Variants in CGNL1 observed in about 807,000 individuals in gnomAD.
The protein encoded by CGNL1 is cingulin like 1.
Under a neutral mutation model 141.2 loss-of-function variants are expected in CGNL1, and 132 were observed. The ratio of observed to expected loss-of-function variants is 0.93; its 90% CI spans 0.81 to 1.08. The LOEUF (loss-of-function observed/expected upper bound fraction) is 1.08. CGNL1 is among the 50% of genes least tolerant of loss of function. CGNL1 has a pLI of 0.00. For synonymous variants in CGNL1, 690 were observed against 622.1 expected, an observed-to-expected ratio of 1.11 and a Z score of -1.63; for missense variants, 1,870 against 1,588.6, an observed-to-expected ratio of 1.18 and a Z score of -3.01.
intron 14 of CGNL1, among the ~76,000 whole-genome samples, chr15:57,534,917 C>T (rs548389727): frequency 2.0e-5 from 3 of 152,218 alleles, no homozygotes; most frequent in African/African-American, 7.2e-5. Context: ...TGAATTCTCA[C>T]AAGCTCCTTT....
chr15:57,425,734 C>G (rs1461749356), intron 1 of CGNL1, among the ~76,000 whole-genome samples: 1 of 116,590 alleles, frequency 8.6e-6, no homozygotes, highest in African/African-American at 3.4e-5. Context: ...GAGCAAGAGC[C>G]TGTCTCAAAA....
chr15:57,422,372 C>T (rs2062925845), intron 1 of CGNL1, among the ~76,000 whole-genome samples: 1 of 149,468 alleles, frequency 6.7e-6, no homozygotes. Context: ...ACTCAAGGCT[C>T]CCATGGGAGA....
intron 10 of CGNL1, among the ~76,000 whole-genome samples, chr15:57,520,934 AG>A (rs1412967698): frequency 6.6e-6 from 1 of 152,186 alleles, no homozygotes; most frequent in Non-Finnish European, 1.5e-5. Flanking sequence ...CCTCAATCAT[AG>A]GGTAAAATCT....
chr15:57,547,257 G>T, intron 18 of CGNL1, 98 bp from the exon 19 acceptor site: 1 of 1,343,920 alleles, frequency 7.4e-7, no homozygotes, highest in South Asian at 1.4e-5. Context: ...CCACTCAGTG[G>T]GGTGCAGGGA....
intron 8 of CGNL1, among the ~76,000 whole-genome samples, chr15:57,494,186 T>C (rs1490880546): frequency 1.3e-5 from 2 of 152,232 alleles, no homozygotes; most frequent in East Asian, 1.9e-4. Flanking sequence ...AAGTTTTACA[T>C]TTATAGGTTC....
intron 1 of CGNL1, among the ~76,000 whole-genome samples, chr15:57,403,163 G>T (rs1041616105): frequency 1.3e-5 from 2 of 152,120 alleles, no homozygotes; most frequent in Non-Finnish European, 2.9e-5. Flanking sequence ...TGACGAAGGG[G>T]TCTGTCTGCT....
intron 1 of CGNL1, among the ~76,000 whole-genome samples, chr15:57,419,189 C>A (rs931627718): frequency 6.6e-6 from 1 of 152,168 alleles, no homozygotes; most frequent in African/African-American, 2.4e-5. Context: ...CTCGGCCTCC[C>A]AAAGTGCTGA....
chr15:57,408,401 G>A (rs542100881), intron 1 of CGNL1, among the ~76,000 whole-genome samples: 2 of 152,164 alleles, frequency 1.3e-5, no homozygotes, highest in Non-Finnish European at 2.9e-5. Context: ...AATGTGCACT[G>A]CCCAGGTGAG....
rs1255127085 is a variant in CGNL1 at position 57,523,581 on chromosome 15, G to A, written c.2808G>A (p.Lys936=). 3 of 1,614,078 alleles carry A rather than the reference G, an allele frequency of 1.9e-6. No homozygotes were observed. Among genetic ancestry groups the A allele is most frequent in the African/African-American group, 2.7e-5 (2 of 74,932 alleles). The change falls in exon 11 of 19, where the codon AAG becomes AAA. Residue 936 remains lysine, a synonymous_variant. Transcript: ENST00000281282. ...SEQKEQLRRL[K]NEMENERWHL... ...AGAAGGAGCAGCTAAGAAGGTTGAA[G>A]AACGAGATGGAGAATGAGCGGTGGC...
At chr15:57,466,356 TA>T (rs546244140) in intron 8 of CGNL1, among the ~76,000 whole-genome samples, 166 of 152,300 alleles carry the variant, frequency 1.1e-3, no homozygotes, top group Non-Finnish European at 1.9e-3. Flanking sequence ...GGAGTAAAAT[TA>T]ACCTTGTTCA....
chr15:57,501,877 A>T (rs569713196), intron 8 of CGNL1, among the ~76,000 whole-genome samples: 4 of 152,134 alleles, frequency 2.6e-5, no homozygotes, highest in Non-Finnish European at 4.4e-5. Flanking sequence ...ACAGGGGGGA[A>T]GTTCTGGGAA....
chr15:57,379,933 C>T lies in CGNL1; in HGVS notation c.-16+3366C>T, dbSNP rs1371889130. 2.6e-5 allele frequency among the ~76,000 whole-genome samples: 4 copies of T among 152,186 alleles called. No individual in the cohort carries two copies. The East Asian group carries it at 5.8e-4, about 22-fold the overall frequency. ...TTTCAGCCTGGTGTCCCCCGTGTCCCGATTGCAGCCCCCTGTACTTCTCTC... is the reference window on the plus strand; with the variant it reads ...TTTCAGCCTGGTGTCCCCCGTGTCCTGATTGCAGCCCCCTGTACTTCTCTC... On this transcript the variant is annotated intron_variant, in intron 1 of 18. Transcript: ENST00000281282.
At position 57,530,126 on chromosome 15, in the gene CGNL1, C is replaced by T. The variant is rs536951359; in HGVS notation, c.3201+1311C>T. On this transcript the variant is annotated intron_variant, in intron 13 of 18. Transcript: ENST00000281282. The stretch of plus-strand genomic sequence containing the variant: ...GAACCTTTGGAGTAATGGCCCTGGC[C>T]GGCACCCTTAACACTCCTGCTGGGT... 2.8e-4 allele frequency among the ~76,000 whole-genome samples: 43 copies of T among 152,350 alleles called. 2 individuals carry two copies. The South Asian group carries it at 7.5e-3, about 26-fold the overall frequency.
intron 12 of CGNL1, among the ~76,000 whole-genome samples, chr15:57,526,139 T>G (rs946014087): frequency 5.3e-5 from 8 of 150,962 alleles, no homozygotes; most frequent in African/African-American, 1.7e-4. Flanking sequence ...TAAGGCCAGA[T>G]GGAGACCAGT....
At chr15:57,453,023 C>T (rs958878585) in intron 6 of CGNL1, among the ~76,000 whole-genome samples, 4 of 152,036 alleles carry the variant, frequency 2.6e-5, no homozygotes, top group African/African-American at 9.7e-5. Flanking sequence ...AGAAAAAAAT[C>T]AGAAAATATA....
chr15:57,424,180 G>T (rs1237152182), intron 1 of CGNL1, among the ~76,000 whole-genome samples: 1 of 152,160 alleles, frequency 6.6e-6, no homozygotes, highest in African/African-American at 2.4e-5. Flanking sequence ...CTGATTCTTC[G>T]ATTTGTCTAG....
chr15:57,407,831 C>T (rs1333800989), intron 1 of CGNL1, among the ~76,000 whole-genome samples: 1 of 151,094 alleles, frequency 6.6e-6, no homozygotes, highest in Non-Finnish European at 1.5e-5. Context: ...TCACTGCAAC[C>T]TCCGTCTCCT....
At chr15:57,410,008 A>C (rs529026094) in intron 1 of CGNL1, among the ~76,000 whole-genome samples, 1 of 152,238 alleles carries the variant, frequency 6.6e-6, no homozygotes, top group Non-Finnish European at 1.5e-5. Context: ...TAAAGGCACA[A>C]GCCGTTAGCC....
Position 57,430,882 on chromosome 15 carries a change from G to A in CGNL1, c.-15-7103G>A, listed in dbSNP as rs1053880279. Reference sequence around the variant, plus strand: ...ATTATAGGTGACCGCCACCATGGCCGGCTCATGTTTTATATTTTTAGTAAA... The same window carrying A: ...ATTATAGGTGACCGCCACCATGGCCAGCTCATGTTTTATATTTTTAGTAAA... On this transcript the variant is annotated intron_variant, in intron 1 of 18. Coordinates refer to ENST00000281282, the MANE Select transcript of CGNL1 (RefSeq NM_032866.5). 3.9e-5 allele frequency among the ~76,000 whole-genome samples: 6 copies of A among 152,260 alleles called. No homozygotes were observed. The South Asian group carries it at 6.2e-4, about 16-fold the overall frequency.
Sources: gnomAD v4.1 joint callset for allele counts (sites outside exome capture counted in the v4.1 genomes callset) on GRCh38, gnomAD v4.1.1 for gene constraint, MANE v1.5 for transcripts, NCBI Gene and HGNC (gene_info 2026-07-23, HGNC 2026-07-21) for gene names.